The following SNTG1 variants were observed in gnomAD, a reference collection of about 807,000 sequenced individuals.
The protein encoded by SNTG1 is gamma-1-syntrophin.
SNTG1 carries 39 observed loss-of-function variants against 74.7 expected under a neutral mutation model. The observed-to-expected ratio is 0.52, with a 90% confidence interval of 0.40 to 0.68. The LOEUF (loss-of-function observed/expected upper bound fraction) is 0.68. Ranked by LOEUF, SNTG1 falls within the 30% of genes least tolerant of loss-of-function variation. The pLI is 0.00. For missense variants in SNTG1, 685 were observed against 609.5 expected (o/e 1.12, Z -1.30); for synonymous variants, 254 against 217.1 (o/e 1.17, Z -1.49).
rs570918216 is a variant in SNTG1, at chr8:50,113,865, A to G, written c.-102-58696A>G. Among the ~76,000 whole-genome samples, 10 of 152,260 alleles carry G rather than the reference A, an allele frequency of 6.6e-5. No individual in the cohort carries two copies. The South Asian group carries it at 1.7e-3, about 25-fold the overall frequency. ...CATGGCACATGTATATACATATGTA[A>G]CAAACCTGCACGTTGTGCACATGTA... On this transcript the variant is annotated intron_variant, in intron 1 of 18. Coordinates refer to ENST00000642720, the MANE Select transcript of SNTG1 (RefSeq NM_018967.5).
intron 1 of SNTG1, among the ~76,000 whole-genome samples, chr8:49,950,884 G>T (rs1035430114): frequency 6.6e-6 from 1 of 152,160 alleles, no homozygotes; most frequent in Non-Finnish European, 1.5e-5. Flanking sequence ...TGAAATTCCA[G>T]AAAATATTGT....
At chr8:50,784,029 G>A (rs560431613) in intron 18 of SNTG1, among the ~76,000 whole-genome samples, 2 of 152,168 alleles carry the variant, frequency 1.3e-5, no homozygotes, top group East Asian at 1.9e-4. Context: ...CCAGATAGGG[G>A]TAGAATTTCA....
chr8:50,041,996 C>T (rs1274723225), intron 1 of SNTG1, among the ~76,000 whole-genome samples: 2 of 152,128 alleles, frequency 1.3e-5, no homozygotes, highest in Non-Finnish European at 2.9e-5. Context: ...GGGTTACATC[C>T]TTATAAAACC....
At chr8:50,483,355 C>T (rs547379733) in intron 8 of SNTG1, among the ~76,000 whole-genome samples, 42 of 151,718 alleles carry the variant, frequency 2.8e-4, no homozygotes, top group Middle Eastern at 3.4e-3. Flanking sequence ...CAATTTTCTC[C>T]CTACCCATTT....
chr8:50,595,909 G>T (rs868314686), intron 13 of SNTG1, among the ~76,000 whole-genome samples: 13 of 151,808 alleles, frequency 8.6e-5, no homozygotes, highest in African/African-American at 3.1e-4. Flanking sequence ...AAGTTTTAGT[G>T]TATTACAGAT....
chr8:49,998,623 C>CACACACAG (rs1470056750), intron 1 of SNTG1, among the ~76,000 whole-genome samples: 1 of 150,234 alleles, frequency 6.7e-6, no homozygotes, highest in African/African-American at 2.5e-5. Context: ...CACACACACA[C>CACACACAG]ACAGTATCCT....
intron 1 of SNTG1, among the ~76,000 whole-genome samples, chr8:50,075,713 T>C (rs1436265195): frequency 6.6e-6 from 1 of 152,098 alleles, no homozygotes; most frequent in Non-Finnish European, 1.5e-5. Flanking sequence ...GCTGTAACAC[T>C]CACTGGGAAG....
At chr8:50,628,707 A>G (rs934996891) in intron 13 of SNTG1, among the ~76,000 whole-genome samples, 1 of 151,864 alleles carries the variant, frequency 6.6e-6, no homozygotes, top group Non-Finnish European at 1.5e-5. Context: ...TTTTTGCTTT[A>G]CTCTCTTACT....
intron 2 of SNTG1, among the ~76,000 whole-genome samples, chr8:50,249,655 C>A (rs2086559587): frequency 6.6e-6 from 1 of 152,198 alleles, no homozygotes; most frequent in African/African-American, 2.4e-5. Context: ...GCCACTACAA[C>A]ACCACAGTCA....
chr8:50,159,478 T>C (rs868624651), intron 1 of SNTG1, among the ~76,000 whole-genome samples: 1 of 152,212 alleles, frequency 6.6e-6, no homozygotes, highest in African/African-American at 2.4e-5. Flanking sequence ...AACATTGTTG[T>C]GTCCTCCGCT....
intron 1 of SNTG1, among the ~76,000 whole-genome samples, chr8:50,103,759 T>G (rs561006712): frequency 2.0e-5 from 3 of 152,206 alleles, no homozygotes; most frequent in African/African-American, 7.2e-5. Flanking sequence ...TATTGAGAGT[T>G]TTTAGCATGA....
At chr8:50,099,412 T>G (rs1329782545) in intron 1 of SNTG1, among the ~76,000 whole-genome samples, 1 of 152,130 alleles carries the variant, frequency 6.6e-6, no homozygotes, top group African/African-American at 2.4e-5. Context: ...AAAATTGACA[T>G]ATTCCCATTA....
At chr8:50,358,557 C>A (rs2091879425) in intron 2 of SNTG1, among the ~76,000 whole-genome samples, 1 of 152,102 alleles carries the variant, frequency 6.6e-6, no homozygotes, top group Non-Finnish European at 1.5e-5. Flanking sequence ...ATGGTTTAGA[C>A]CTTGAACAAT....
At chr8:49,950,504 T>C (rs188300939) in intron 1 of SNTG1, among the ~76,000 whole-genome samples, 1 of 152,256 alleles carries the variant, frequency 6.6e-6, no homozygotes, top group Non-Finnish European at 1.5e-5. Context: ...TTAAGTAAAA[T>C]ACACCTTATT....
chr8:50,135,627 TA>T (rs973491479), intron 1 of SNTG1, among the ~76,000 whole-genome samples: 50 of 151,112 alleles, frequency 3.3e-4, no homozygotes, highest in East Asian at 1.4e-3. Context: ...CTTTCGTTTT[TA>T]AAAAAAAAAT....
At chr8:50,189,397 C>T (rs941463747) in intron 2 of SNTG1, among the ~76,000 whole-genome samples, 4 of 152,032 alleles carry the variant, frequency 2.6e-5, no homozygotes, top group Non-Finnish European at 5.9e-5. Context: ...CCCAGAGTTT[C>T]TGATTCGGTA....
chr8:50,105,092 C>T (rs1258252454), intron 1 of SNTG1, among the ~76,000 whole-genome samples: 2 of 151,976 alleles, frequency 1.3e-5, no homozygotes, highest in African/African-American at 4.8e-5. Context: ...CTTTTGGCAT[C>T]TGCATCTTGA....
At chr8:50,210,621 C>A (rs1169242998) in intron 2 of SNTG1, among the ~76,000 whole-genome samples, 2 of 152,084 alleles carry the variant, frequency 1.3e-5, no homozygotes, top group Non-Finnish European at 2.9e-5. Context: ...TCATATCCAG[C>A]CAAACTAAGC....
intron 2 of SNTG1, among the ~76,000 whole-genome samples, chr8:50,370,830 A>G (rs2092250464): frequency 6.6e-6 from 1 of 152,094 alleles, no homozygotes; most frequent in African/African-American, 2.4e-5. Flanking sequence ...ATACAAGCAG[A>G]ATTCCGAGGA....
Sources: allele counts gnomAD v4.1 joint callset (sites outside exome capture counted in the v4.1 genomes callset), GRCh38; gene constraint gnomAD v4.1.1; transcripts MANE v1.5; gene names NCBI Gene and HGNC (gene_info 2026-07-23, HGNC 2026-07-21).